HIP1: variants seen among roughly 807,000 people sequenced by gnomAD.
HIP1 encodes huntingtin interacting protein 1, also known as huntingtin-interacting protein 1.
A neutral mutation model predicts 147.6 loss-of-function variants in HIP1; 65 were observed. That is an observed-to-expected ratio of 0.44 (90% CI 0.36 to 0.54). The LOEUF (loss-of-function observed/expected upper bound fraction) is 0.54, where lower values mean the gene tolerates loss of function less well. Ranked by LOEUF, HIP1 falls within the 20% of genes least tolerant of loss-of-function variation. HIP1 has a pLI of 0.00. For synonymous variants in HIP1, 479 were observed against 504.0 expected, an observed-to-expected ratio of 0.95 and a Z score of 0.67; for missense variants, 1,061 against 1,299.6, an observed-to-expected ratio of 0.82 and a Z score of 2.82.
intron 1 of HIP1, among the ~76,000 whole-genome samples, chr7:75,684,790 C>A (rs1247319457): frequency 2.0e-5 from 3 of 151,822 alleles, no homozygotes; most frequent in African/African-American, 7.3e-5. Flanking sequence ...TCAAAGCATG[C>A]ACATTTAAAA....
In HIP1 at chr7:75,735,656, A is replaced by G. The variant is rs531093397; in HGVS notation, c.120+3145T>C. On this transcript the variant is annotated intron_variant, in intron 1 of 30. Transcript: ENST00000336926. ...TTGCAGATTGACTAACGTTGGGTTT[A>G]GGGCTGTTCTCTTTTCTTTTCTTTT... 2.0e-5 allele frequency among the ~76,000 whole-genome samples: 3 copies of G among 147,736 alleles called. No individual in the cohort carries two copies. In the East Asian group the frequency reaches 5.9e-4, roughly 29 times the overall value.
At chr7:75,581,343 C>G (rs237240) in intron 6 of HIP1, 45 bp from the exon 7 acceptor site, 2 of 1,492,254 alleles carry the variant, frequency 1.3e-6, no homozygotes, top group East Asian at 4.6e-5. Context: ...AGCCTGAGGC[C>G]GGTCTGTTAC....
intron 27 of HIP1, 97 bp downstream of exon 27, chr7:75,544,596 CAG>C: frequency 2.7e-6 from 2 of 753,658 alleles, no homozygotes; most frequent in Non-Finnish European, 4.8e-6. Flanking sequence ...CTCTCTAACT[CAG>C]CCAAGTACTG....
At chr7:75,681,102 A>G (rs933267619) in intron 1 of HIP1, among the ~76,000 whole-genome samples, 1 of 151,972 alleles carries the variant, frequency 6.6e-6, no homozygotes. Context: ...TAGTAGAGAC[A>G]GGGCTTCACC....
intron 1 of HIP1, chr7:75,611,593 G>C (rs1024312508): frequency 2.4e-6 from 2 of 816,444 alleles, no homozygotes; most frequent in African/African-American, 3.7e-5. Flanking sequence ...AACTGTTCCC[G>C]CCCCGCCACA....
intron 4 of HIP1, 52 bp downstream of exon 4, chr7:75,592,004 C>T: frequency 7.0e-7 from 1 of 1,431,364 alleles, no homozygotes; most frequent in South Asian, 1.1e-5. Context: ...TCTGTGGCCT[C>T]TGAGGAAGGA....
chr7:75,641,914 A>G (rs73370151), intron 1 of HIP1, among the ~76,000 whole-genome samples: 4,571 of 152,218 alleles, frequency 0.03, 219 homozygotes, highest in African/African-American at 0.1. Context: ...CTCCCACTCC[A>G]TCTAATCAGG....
intron 22 of HIP1, 68 bp downstream of exon 22, chr7:75,553,385 C>T: frequency 6.4e-7 from 1 of 1,554,740 alleles, no homozygotes; most frequent in Non-Finnish European, 8.8e-7. Flanking sequence ...TCACCGATTC[C>T]CTGGCCATTC....
Position 75,738,821 on chromosome 7 carries a change from C to A in HIP1, c.100G>T (p.Glu34Ter). 6.3e-7 allele frequency: 1 copy of A among 1,599,486 alleles called. No homozygotes were observed. ...VGAGLEAAERESFERTQTVSI... is the reference protein window; with the variant it reads ...VGAGLEAAER Reference sequence around the variant, plus strand: ...CTCACCTGAGTCCGCTCGAAGCTCTCGCGCTCCGCCGCCTCCAGCCCAGCG... The same window carrying A: ...CTCACCTGAGTCCGCTCGAAGCTCTAGCGCTCCGCCGCCTCCAGCCCAGCG... Residue 34 changes from glutamate to a stop codon, truncating the protein, a stop_gained, in exon 1 of 31, where the codon GAG (glutamate) becomes TAG (stop). Coordinates refer to ENST00000336926, the MANE Select transcript of HIP1 (RefSeq NM_005338.7). LOFTEE classifies it high-confidence loss of function.
intron 22 of HIP1, among the ~76,000 whole-genome samples, chr7:75,550,030 A>G (rs1421916816): frequency 6.6e-6 from 1 of 152,100 alleles, no homozygotes; most frequent in Non-Finnish European, 1.5e-5. Context: ...TTGCTTCCAC[A>G]GTGATCATAT....
At chr7:75,590,919 A>G (rs1796479874) in intron 4 of HIP1, among the ~76,000 whole-genome samples, 1 of 152,190 alleles carries the variant, frequency 6.6e-6, no homozygotes, top group Non-Finnish European at 1.5e-5. Flanking sequence ...ATAGGACTAC[A>G]TAGTTGCCAA....
At chr7:75,581,153 G>A in intron 7 of HIP1, 84 bp downstream of exon 7, 2 of 1,035,454 alleles carry the variant, frequency 1.9e-6, no homozygotes, top group Non-Finnish European at 3.0e-6. Context: ...TACCCCTTGT[G>A]CTGCACACTT....
chr7:75,568,215 T>C lies in HIP1; in HGVS notation c.787A>G (p.Met263Val). The change falls in exon 9 of 31, where the codon ATG becomes GTG. Residue 263 changes from methionine to valine, a missense_variant. Transcript: ENST00000336926. The surrounding 1 kb of genome is among the most constrained non-coding windows in gnomAD (Gnocchi z 4.1). ...DTLQGHRDRFMEQFTKLKDLF... is the reference protein window; with the variant it reads ...DTLQGHRDRFVEQFTKLKDLF... ...ACCACTTACTTTGTAAACTGCTCCA[T>C]GAAGCGGTCCCGGTGGCCTTGCAGG... is the stretch of plus-strand genomic sequence containing the variant. The C allele has an allele frequency of 6.2e-7, 1 of 1,612,932 alleles. No homozygotes were observed. The highest frequency in any genetic ancestry group is 2.2e-5 in the East Asian group (1 of 44,870).
chr7:75,556,199 G>C, intron 17 of HIP1, 30 bp from the exon 18 acceptor site: 1 of 1,610,294 alleles, frequency 6.2e-7, no homozygotes, highest in Non-Finnish European at 8.5e-7. Flanking sequence ...GAAAGAGGGA[G>C]ACGCTGGTTG....
At chr7:75,595,621 G>T (rs1388920228) in intron 2 of HIP1, among the ~76,000 whole-genome samples, 6 of 152,074 alleles carry the variant, frequency 3.9e-5, no homozygotes, top group Non-Finnish European at 7.4e-5. Flanking sequence ...TGGGATTACA[G>T]GTGTGAGCCA....
At chr7:75,616,911 A>AT (rs200161247) in intron 1 of HIP1, among the ~76,000 whole-genome samples, 230 of 150,478 alleles carry the variant, frequency 1.5e-3, no homozygotes, top group African/African-American at 5.1e-3. Flanking sequence ...TTAGATGACT[A>AT]TTTTTTTTTG....
chr7:75,541,557 G>A (rs1444239511), intron 29 of HIP1, among the ~76,000 whole-genome samples: 2 of 151,058 alleles, frequency 1.3e-5, no homozygotes, highest in South Asian at 2.1e-4. Context: ...TTAGCTAGGT[G>A]TGGTGACGCA....
At chr7:75,654,221 C>T (rs1372552520) in intron 1 of HIP1, among the ~76,000 whole-genome samples, 1 of 152,064 alleles carries the variant, frequency 6.6e-6, no homozygotes, top group East Asian at 1.9e-4. Context: ...ATGATGAAAC[C>T]CCATCTCTAC....
At chr7:75,710,767 AT>A (rs1299182240) in intron 1 of HIP1, among the ~76,000 whole-genome samples, 1 of 151,946 alleles carries the variant, frequency 6.6e-6, no homozygotes, top group Non-Finnish European at 1.5e-5. Context: ...CTATCTTGTA[AT>A]TTTTTTTAAT....
Sources: gnomAD v4.1 joint callset for allele counts (sites outside exome capture counted in the v4.1 genomes callset) on GRCh38, gnomAD v4.1.1 for gene constraint, Gnocchi (gnomAD v3.1) non-coding constraint, MANE v1.5 for transcripts, NCBI Gene and HGNC (gene_info 2026-07-23, HGNC 2026-07-21) for gene names.